TENM2: variants seen among roughly 807,000 people sequenced by gnomAD.
TENM2 encodes teneurin-2.
Under a neutral mutation model 245.2 loss-of-function variants are expected in TENM2, and 52 were observed. The observed-to-expected ratio is 0.21, with a 90% confidence interval of 0.17 to 0.27. The LOEUF (loss-of-function observed/expected upper bound fraction) is 0.27. Among genes scored for constraint, TENM2 ranks in the 10% least tolerant of loss-of-function variants. The probability of loss-of-function intolerance (pLI) is 1.00; values close to 1 mark genes in which losing one functional copy is unlikely to be tolerated. For missense variants in TENM2, 3,046 were observed against 3,666.8 expected, an observed-to-expected ratio of 0.83 and a Z score of 4.37; for synonymous variants, 1,363 against 1,438.9, an observed-to-expected ratio of 0.95 and a Z score of 1.19.
At chr5:167,423,164 T>C (rs1179246362) in intron 2 of TENM2, among the ~76,000 whole-genome samples, 1 of 152,134 alleles carries the variant, frequency 6.6e-6, no homozygotes, top group African/African-American at 2.4e-5. Flanking sequence ...TTTCTTTTTA[T>C]GATTTAGAGG....
At chr5:167,799,085 A>G (rs1343789835) in intron 2 of TENM2, among the ~76,000 whole-genome samples, 3 of 152,162 alleles carry the variant, frequency 2.0e-5, no homozygotes, top group Non-Finnish European at 4.4e-5. Context: ...TCAAGCCCCT[A>G]TAGTGGCCCT....
chr5:167,431,017 G>T (rs35879280), intron 2 of TENM2, among the ~76,000 whole-genome samples: 26,738 of 152,120 alleles, frequency 0.18, 2,535 homozygotes, highest in Middle Eastern at 0.27. Context: ...TGAATGGCTG[G>T]TAATCTTCTC....
intron 2 of TENM2, among the ~76,000 whole-genome samples, chr5:167,841,449 T>C (rs1769509530): frequency 1.3e-5 from 2 of 152,244 alleles, no homozygotes; most frequent in African/African-American, 4.8e-5. Flanking sequence ...TACCCAGATT[T>C]ACCCCTTGTG....
the TENM2 span, among the ~76,000 whole-genome samples, chr5:167,115,154 T>A: frequency 6.6e-6 from 1 of 152,100 alleles, no homozygotes; most frequent in East Asian, 1.9e-4. Flanking sequence ...AAAGTTGAAT[T>A]TGCACAATAA....
intron 2 of TENM2, among the ~76,000 whole-genome samples, chr5:167,760,957 T>C (rs2150707604): frequency 6.6e-6 from 1 of 152,216 alleles, no homozygotes; most frequent in East Asian, 1.9e-4. Flanking sequence ...GGCCTTACTG[T>C]TCTGTTCATG....
At chr5:167,206,803 T>C in the TENM2 span, among the ~76,000 whole-genome samples, 1 of 152,188 alleles carries the variant, frequency 6.6e-6, no homozygotes, top group Non-Finnish European at 1.5e-5. Flanking sequence ...TTTCAAAGCA[T>C]ACATAATCAA....
the TENM2 span, among the ~76,000 whole-genome samples, chr5:167,222,752 G>C: frequency 6.6e-6 from 1 of 152,066 alleles, no homozygotes; most frequent in Non-Finnish European, 1.5e-5. Flanking sequence ...ATGCCTCTCT[G>C]TTGCTGTTTA....
intron 1 of TENM2, among the ~76,000 whole-genome samples, chr5:167,312,580 T>G (rs2127756649): frequency 6.6e-6 from 1 of 152,226 alleles, no homozygotes; most frequent in Non-Finnish European, 1.5e-5. Context: ...GAGGGCTGTA[T>G]CATGATATGA....
At chr5:167,111,180 A>G in the TENM2 span, among the ~76,000 whole-genome samples, 1 of 152,160 alleles carries the variant, frequency 6.6e-6, no homozygotes, top group Non-Finnish European at 1.5e-5. Flanking sequence ...TGTTTTATTT[A>G]GGTATAGCTA....
chr5:168,200,893 A>G (rs1307199656), intron 17 of TENM2, among the ~76,000 whole-genome samples: 2 of 152,198 alleles, frequency 1.3e-5, no homozygotes, highest in Admixed American at 6.5e-5. Context: ...CTCTTCACCA[A>G]TAGTCGTGTG....
At chr5:167,577,794 A>C (rs1452292571) in intron 2 of TENM2, among the ~76,000 whole-genome samples, 1 of 152,170 alleles carries the variant, frequency 6.6e-6, no homozygotes, top group Non-Finnish European at 1.5e-5. Flanking sequence ...CCCTAACAAC[A>C]ACAAAAGATG....
Position 167,365,520 on chromosome 5 carries a change from C to T in TENM2, c.227-9678C>T, listed in dbSNP as rs541835245. ...AAAATAAAACTCCAGTAAGAATGAT[C>T]AATTTAAAAAAAGAAAGGATCCCTC... On this transcript the variant is annotated intron_variant, in intron 1 of 28. Coordinates refer to ENST00000518659, the Ensembl canonical transcript of TENM2. Among the ~76,000 whole-genome samples, 5 of 151,074 alleles carry T rather than the reference C, an allele frequency of 3.3e-5. No homozygotes were observed. In the South Asian group the frequency reaches 8.4e-4, roughly 25 times the overall value.
At chr5:168,118,417 G>C in exon 10 of TENM2, 2 of 1,610,702 alleles carry the variant, frequency 1.2e-6, no homozygotes, top group South Asian at 2.2e-5. Flanking sequence ...TTCCTGCGGG[G>C]GCCACGGCTC....
exon 24 of TENM2, chr5:168,226,242 G>A: frequency 1.9e-6 from 3 of 1,613,234 alleles, no homozygotes; most frequent in Non-Finnish European, 2.5e-6. Flanking sequence ...TTCAGTAGAG[G>A]CCTCCTACAC....
chr5:168,133,369 G>A (rs962435780), intron 12 of TENM2, among the ~76,000 whole-genome samples: 1 of 152,152 alleles, frequency 6.6e-6, no homozygotes, highest in African/African-American at 2.4e-5. Context: ...TGTCATAAAT[G>A]CAGCGTGTGA....
chr5:167,768,899 A>C (rs1007183458), intron 2 of TENM2, among the ~76,000 whole-genome samples: 1 of 152,190 alleles, frequency 6.6e-6, no homozygotes, highest in Non-Finnish European at 1.5e-5. Flanking sequence ...TGTATAGGTA[A>C]GAAGGAGGAA....
chr5:167,548,711 A>G (rs1772734595), intron 2 of TENM2, among the ~76,000 whole-genome samples: 1 of 152,090 alleles, frequency 6.6e-6, no homozygotes, highest in Non-Finnish European at 1.5e-5. Context: ...GATATAGACC[A>G]TTTACTTTAA....
chr5:167,275,616 G>C, the TENM2 span, among the ~76,000 whole-genome samples: 1 of 151,976 alleles, frequency 6.6e-6, no homozygotes, highest in South Asian at 2.1e-4. Context: ...TTTTGTTAGT[G>C]ATTCTAAATG....
At chr5:167,223,662 C>T in the TENM2 span, among the ~76,000 whole-genome samples, 1 of 151,926 alleles carries the variant, frequency 6.6e-6, no homozygotes, top group Non-Finnish European at 1.5e-5. Context: ...AACATGCTGG[C>T]GTCCTTTTGA....
Sources: allele counts gnomAD v4.1 joint callset (sites outside exome capture counted in the v4.1 genomes callset), GRCh38; gene constraint gnomAD v4.1.1; transcripts MANE v1.5; gene names NCBI Gene and HGNC (gene_info 2026-07-23, HGNC 2026-07-21).